OTUD7A: variants seen among roughly 807,000 people sequenced by gnomAD.
OTUD7A encodes OTU deubiquitinase 7A.
In OTUD7A, 12 loss-of-function variants were observed where a neutral mutation model predicts 65.7. The observed-to-expected ratio is 0.18, with a 90% confidence interval of 0.12 to 0.30. OTUD7A has a LOEUF of 0.30. Among genes scored for constraint, OTUD7A ranks in the 10% least tolerant of loss-of-function variants. OTUD7A has a pLI of 1.00. For synonymous variants in OTUD7A, 641 were observed against 586.3 expected, an observed-to-expected ratio of 1.09 and a Z score of -1.35; for missense variants, 1,148 against 1,304.8, an observed-to-expected ratio of 0.88 and a Z score of 1.85.
At chr15:31,553,422 C>T (rs1207260845) in intron 5 of OTUD7A, among the ~76,000 whole-genome samples, 9 of 152,060 alleles carry the variant, frequency 5.9e-5, no homozygotes, top group East Asian at 1.9e-4. Flanking sequence ...GAGCTCACTC[C>T]GGGATCCCAC....
chr15:31,657,431 A>T (rs1459491293), intron 1 of OTUD7A, among the ~76,000 whole-genome samples: 1 of 150,524 alleles, frequency 6.6e-6, no homozygotes, highest in African/African-American at 2.5e-5. Context: ...ATCTCGGCTC[A>T]CTGGAAGCTC....
intron 3 of OTUD7A, among the ~76,000 whole-genome samples, chr15:31,589,953 T>C (rs1263383329): frequency 6.6e-6 from 1 of 152,198 alleles, no homozygotes; most frequent in African/African-American, 2.4e-5. Context: ...GAAAAAAACC[T>C]TTCAATTTGG....
At chr15:31,780,266 T>A (rs979382026) in intron 1 of OTUD7A, among the ~76,000 whole-genome samples, 1 of 152,184 alleles carries the variant, frequency 6.6e-6, no homozygotes, top group Non-Finnish European at 1.5e-5. Context: ...ACGTTCAAAC[T>A]AGCTCGTATT....
At chr15:31,602,469 C>G (rs1890107049) in intron 3 of OTUD7A, among the ~76,000 whole-genome samples, 1 of 152,134 alleles carries the variant, frequency 6.6e-6, no homozygotes, top group Admixed American at 6.6e-5. Flanking sequence ...ATATTAAGAG[C>G]TATTTATGAC....
intron 3 of OTUD7A, among the ~76,000 whole-genome samples, chr15:31,612,542 A>T (rs1322347055): frequency 2.0e-5 from 3 of 152,194 alleles, no homozygotes; most frequent in African/African-American, 7.2e-5. Context: ...AACCCCTTTT[A>T]CAATAGCTGC....
intron 5 of OTUD7A, among the ~76,000 whole-genome samples, chr15:31,548,756 G>C (rs1442095123): frequency 6.6e-6 from 1 of 152,140 alleles, no homozygotes; most frequent in Non-Finnish European, 1.5e-5. Flanking sequence ...CACATCCATG[G>C]TTCTGATTGT....
chr15:31,537,538 C>T (rs1437077996), intron 5 of OTUD7A, among the ~76,000 whole-genome samples: 1 of 152,188 alleles, frequency 6.6e-6, no homozygotes, highest in Non-Finnish European at 1.5e-5. Flanking sequence ...TTGTGGACGT[C>T]ATTGGAAAAA....
chr15:31,865,967 G>A (rs1303241124), intron 1 of OTUD7A, among the ~76,000 whole-genome samples: 2 of 152,164 alleles, frequency 1.3e-5, no homozygotes, highest in Admixed American at 1.3e-4. Flanking sequence ...TAAGGAAAAC[G>A]AGATTAAGAA....
chr15:31,725,481 C>T (rs1893859313), intron 1 of OTUD7A, among the ~76,000 whole-genome samples: 1 of 152,156 alleles, frequency 6.6e-6, no homozygotes, highest in South Asian at 2.1e-4. Context: ...CACGCAGAAG[C>T]CCGTGACTTT....
At chr15:31,732,729 T>C (rs1244310821) in intron 1 of OTUD7A, among the ~76,000 whole-genome samples, 3 of 151,980 alleles carry the variant, frequency 2.0e-5, no homozygotes, top group Admixed American at 6.6e-5. Flanking sequence ...GTGGAAATAA[T>C]TCACCCTAAG....
At chr15:31,672,958 C>G (rs1407226666) in intron 1 of OTUD7A, among the ~76,000 whole-genome samples, 1 of 152,126 alleles carries the variant, frequency 6.6e-6, no homozygotes, top group Non-Finnish European at 1.5e-5. Flanking sequence ...TCCAGGGTTC[C>G]TCCTATGACA....
intron 1 of OTUD7A, chr15:31,689,408 A>G (rs1347262362): frequency 6.7e-6 from 1 of 150,218 alleles, no homozygotes; most frequent in Non-Finnish European, 1.5e-5. Context: ...CATGCAGGCC[A>G]ACACTGCGCC....
intron 1 of OTUD7A, among the ~76,000 whole-genome samples, chr15:31,765,097 C>A (rs1176163489): frequency 2.0e-5 from 3 of 152,086 alleles, no homozygotes; most frequent in Non-Finnish European, 4.4e-5. Flanking sequence ...TCTTTTACAT[C>A]CTCATCTTCT....
At position 31,482,371 on chromosome 15, in the gene OTUD7A, T is replaced by C. The variant is rs2041137913; in HGVS notation, c.*923A>G. On this transcript the variant is annotated 3_prime_UTR_variant, in exon 13 of 13. Coordinates refer to ENST00000307050, the MANE Select transcript of OTUD7A (RefSeq NM_001382637.1). ...GCTTACACAGTGACCAAAGGGTCAA[T>C]TCCTCGCTGTCTCCCGGGGCACCGA... 1 of 152,286 alleles carries C rather than the reference T, an allele frequency of 6.6e-6. No homozygotes were observed. Among genetic ancestry groups the C allele is most frequent in the South Asian group, 2.1e-4 (1 of 4,840 alleles). The allele number at this position is 152,286 out of a possible 1,614,324, so 9.4% of individuals were successfully genotyped here. A position where few individuals can be genotyped will look rare whatever the true frequency, so the allele number is the denominator to read the frequency against.
chr15:31,802,621 A>C (rs1025792383), intron 1 of OTUD7A, among the ~76,000 whole-genome samples: 1 of 152,224 alleles, frequency 6.6e-6, no homozygotes, highest in Non-Finnish European at 1.5e-5. Flanking sequence ...GTAACTACTT[A>C]TGGAGTCAAT....
chr15:31,600,288 AT>A (rs1890035846), intron 3 of OTUD7A, among the ~76,000 whole-genome samples: 1 of 152,264 alleles, frequency 6.6e-6, no homozygotes, highest in South Asian at 2.1e-4. Context: ...AGGGAAGCCC[AT>A]CAGACTAACA....
At chr15:31,551,655 GA>G (rs1390460162) in intron 5 of OTUD7A, among the ~76,000 whole-genome samples, 1 of 152,182 alleles carries the variant, frequency 6.6e-6, no homozygotes, top group Non-Finnish European at 1.5e-5. Context: ...ACATTTTGAT[GA>G]AAGAAAACAA....
At chr15:31,553,679 C>T (rs1205050263) in intron 5 of OTUD7A, among the ~76,000 whole-genome samples, 2 of 151,864 alleles carry the variant, frequency 1.3e-5, no homozygotes, top group African/African-American at 4.8e-5. Flanking sequence ...CCCTGCCTGC[C>T]AGAGCCCCAG....
chr15:31,602,764 T>C (rs1481894505), intron 3 of OTUD7A, among the ~76,000 whole-genome samples: 2 of 152,110 alleles, frequency 1.3e-5, no homozygotes, highest in African/African-American at 2.4e-5. Context: ...AATCTCGGGA[T>C]ACAAAATCAA....
Sources: allele counts gnomAD v4.1 joint callset (sites outside exome capture counted in the v4.1 genomes callset), GRCh38; gene constraint gnomAD v4.1.1; transcripts MANE v1.5; gene names NCBI Gene and HGNC (gene_info 2026-07-23, HGNC 2026-07-21).